GPHN: variants seen among roughly 807,000 people sequenced by gnomAD.
GPHN encodes gephyrin.
A neutral mutation model predicts 95.5 loss-of-function variants in GPHN; 17 were observed. The observed-to-expected ratio is 0.18, with a 90% CI of 0.12 to 0.27. The LOEUF (loss-of-function observed/expected upper bound fraction) is 0.27, where lower values mean the gene tolerates loss of function less well. GPHN is among the 10% of genes least tolerant of loss of function. The probability of loss-of-function intolerance (pLI) is 1.00; values close to 1 mark genes in which losing one functional copy is unlikely to be tolerated. For missense variants in GPHN, 660 were observed against 978.1 expected (o/e 0.67, Z 4.34); for synonymous variants, 320 against 322.5 (o/e 0.99, Z 0.08).
rs185608640 is a variant in GPHN at position 66,900,987 on chromosome 14, C to G, written c.390-15016C>G. On this transcript the variant is annotated intron_variant, in intron 5 of 22. Coordinates refer to ENST00000478722, the MANE Select transcript of GPHN (RefSeq NM_020806.5). The stretch of plus-strand genomic sequence containing the variant: ...CATACTGCTCTCCATAGTGGCTCTA[C>G]TAATTTACATTTCCACCAACAGCGT... 6.6e-5 allele frequency among the ~76,000 whole-genome samples: 10 copies of G among 152,190 alleles called. No homozygotes were observed. In the East Asian group the frequency reaches 1.9e-3, roughly 29 times the overall value.
At chr14:66,570,558 G>C (rs139861535) in intron 1 of GPHN, among the ~76,000 whole-genome samples, 1,891 of 150,028 alleles carry the variant, frequency 0.013, 23 homozygotes, top group African/African-American at 0.043. Context: ...CACCTGCCTC[G>C]GCCTCCCAAA....
chr14:67,581,434 G>A, the GPHN span, among the ~76,000 whole-genome samples: 1 of 152,094 alleles, frequency 6.6e-6, no homozygotes, highest in Non-Finnish European at 1.5e-5. Context: ...GCTGAGGTGG[G>A]AGGATCACTT....
chr14:66,706,644 C>T (rs775984816), intron 2 of GPHN, among the ~76,000 whole-genome samples: 15 of 152,118 alleles, frequency 9.9e-5, no homozygotes, highest in Non-Finnish European at 2.2e-4. Flanking sequence ...TTTCCTTACA[C>T]CTTATTCAAA....
At chr14:67,071,167 T>C (rs186842074) in intron 11 of GPHN, among the ~76,000 whole-genome samples, 247 of 152,308 alleles carry the variant, frequency 1.6e-3, no homozygotes, top group African/African-American at 5.5e-3. Flanking sequence ...GATGCTGCTA[T>C]AAAGACTCAT....
chr14:66,946,508 T>A (rs530518694), intron 8 of GPHN, among the ~76,000 whole-genome samples: 10 of 152,178 alleles, frequency 6.6e-5, no homozygotes, highest in African/African-American at 2.4e-4. Flanking sequence ...GGGGTTCAAG[T>A]GATTCTCCTG....
intron 5 of GPHN, among the ~76,000 whole-genome samples, chr14:66,884,815 T>C (rs1473461807): frequency 3.7e-5 from 5 of 136,816 alleles, no homozygotes; most frequent in African/African-American, 8.6e-5. Flanking sequence ...TGTATGTGTG[T>C]GTGTATATAT....
chr14:66,743,242 C>T (rs967082263), intron 2 of GPHN, among the ~76,000 whole-genome samples: 2 of 151,842 alleles, frequency 1.3e-5, no homozygotes, highest in Admixed American at 6.6e-5. Context: ...TCTTCCCCCC[C>T]ACTTTAAAGT....
chr14:66,887,450 G>A lies in GPHN; in HGVS notation c.389+7417G>A, dbSNP rs142309268. On this transcript the variant is annotated intron_variant, in intron 5 of 22. Transcript: ENST00000478722. ...AAAATACAAAAAATTAGCTGGGCAT[G>A]GTGCCACGTGCCTATAGTCCCAGCT... Among the ~76,000 whole-genome samples the A allele has an allele frequency of 6.3e-4, 96 of 152,280 alleles. 2 individuals carry two copies. Among genetic ancestry groups the A allele is most frequent in the Admixed American group, 1.9e-3 (29 of 15,278 alleles).
At chr14:66,534,056 G>A (rs1221032584) in intron 1 of GPHN, among the ~76,000 whole-genome samples, 3 of 152,098 alleles carry the variant, frequency 2.0e-5, no homozygotes, top group Non-Finnish European at 4.4e-5. Flanking sequence ...ATTATCCAGT[G>A]TATCCTTTAT....
At chr14:67,153,653 A>G (rs1409694761) in intron 18 of GPHN, among the ~76,000 whole-genome samples, 1 of 152,246 alleles carries the variant, frequency 6.6e-6, no homozygotes, top group Non-Finnish European at 1.5e-5. Flanking sequence ...AAATAGCTGA[A>G]AAATACAAAT....
rs2079060205 is a variant in GPHN at position 67,122,388 on chromosome 14, G to T, written c.1748+11G>T. The T allele has an allele frequency of 1.2e-6, 2 of 1,611,380 alleles. No individual in the cohort carries two copies. The highest frequency in any genetic ancestry group is 1.1e-5 in the South Asian group (1 of 90,992). On this transcript the variant is annotated intron_variant, in intron 17 of 22. Coordinates refer to ENST00000478722, the MANE Select transcript of GPHN (RefSeq NM_020806.5). ...TATTGTAGGAGACAAGTAAGTATTT[G>T]ATGTCATTCTGAAAAGTTTGTATTG... is the stretch of plus-strand genomic sequence containing the variant.
chr14:66,853,253 A>C (rs779563280), intron 4 of GPHN, among the ~76,000 whole-genome samples: 1 of 152,214 alleles, frequency 6.6e-6, no homozygotes, highest in South Asian at 2.1e-4. Context: ...CAACAGACCA[A>C]TGTAACACTG....
the GPHN span, among the ~76,000 whole-genome samples, chr14:67,603,412 G>A: frequency 6.6e-6 from 1 of 152,248 alleles, no homozygotes; most frequent in Admixed American, 6.5e-5. Flanking sequence ...AAAGAAAAAG[G>A]CCAAATGTAC....
intron 21 of GPHN, 126 bp from the exon 22 acceptor site, chr14:67,179,452 A>T: frequency 1.1e-5 from 8 of 702,446 alleles, no homozygotes; most frequent in Non-Finnish European, 1.8e-5. Flanking sequence ...TGGTAGTGAC[A>T]GCAACGACAG....
the GPHN span, among the ~76,000 whole-genome samples, chr14:67,265,890 T>G: frequency 1.3e-5 from 2 of 150,828 alleles, no homozygotes; most frequent in Non-Finnish European, 3.0e-5. Context: ...GAAAACAAAG[T>G]AAACCCAGGA....
At chr14:67,590,339 G>A in the GPHN span, among the ~76,000 whole-genome samples, 4 of 146,042 alleles carry the variant, frequency 2.7e-5, no homozygotes, top group Non-Finnish European at 5.9e-5. Flanking sequence ...TGCAACCTCC[G>A]CCTCCCAGGT....
At chr14:67,099,917 C>A (rs1414286518) in intron 12 of GPHN, among the ~76,000 whole-genome samples, 1 of 152,036 alleles carries the variant, frequency 6.6e-6, no homozygotes, top group East Asian at 1.9e-4. Flanking sequence ...AGGTAATGGT[C>A]ATGATTTTAA....
chr14:67,328,888 G>A, the GPHN span, among the ~76,000 whole-genome samples: 2 of 152,152 alleles, frequency 1.3e-5, no homozygotes, highest in Non-Finnish European at 2.9e-5. Context: ...TAGCCTTGTA[G>A]TATAGTTTGA....
chr14:67,342,690 C>T, the GPHN span, among the ~76,000 whole-genome samples: 1 of 148,294 alleles, frequency 6.7e-6, no homozygotes, highest in Non-Finnish European at 1.5e-5. Flanking sequence ...GTTAATATAA[C>T]AGTTAATATA....
Sources: allele counts gnomAD v4.1 joint callset (sites outside exome capture counted in the v4.1 genomes callset), GRCh38; gene constraint gnomAD v4.1.1; transcripts MANE v1.5; gene names NCBI Gene and HGNC (gene_info 2026-07-23, HGNC 2026-07-21).